The following TRAPPC9 variants were observed in gnomAD, a reference collection of about 807,000 sequenced individuals.
TRAPPC9 encodes IKK2 binding protein.
In TRAPPC9, 83 loss-of-function variants were observed where a neutral mutation model predicts 124.0. The ratio of observed to expected loss-of-function variants is 0.67; its 90% confidence interval spans 0.56 to 0.80. The LOEUF is 0.80. Ranked by LOEUF, TRAPPC9 falls within the 30% of genes least tolerant of loss-of-function variation. TRAPPC9 has a pLI of 0.00. For synonymous variants in TRAPPC9, 638 were observed against 617.5 expected (o/e 1.03, Z -0.49); for missense variants, 1,302 against 1,508.3 (o/e 0.86, Z 2.27).
chr8:140,364,473 C>T (rs1473280996), intron 8 of TRAPPC9, among the ~76,000 whole-genome samples: 1 of 152,102 alleles, frequency 6.6e-6, no homozygotes, highest in East Asian at 1.9e-4. Context: ...TTCCTAAACA[C>T]TACTCCTTCC....
intron 17 of TRAPPC9, among the ~76,000 whole-genome samples, chr8:140,102,173 T>C (rs745724694): frequency 2.9e-4 from 44 of 152,314 alleles, no homozygotes; most frequent in Middle Eastern, 3.4e-3. Context: ...TAAGAGACAA[T>C]AAATGTGGTA....
intron 17 of TRAPPC9, among the ~76,000 whole-genome samples, chr8:140,036,495 G>A (rs1016477745): frequency 2.0e-5 from 3 of 146,930 alleles, no homozygotes; most frequent in East Asian, 3.9e-4. Flanking sequence ...GAAAAAAAAT[G>A]AGAAGAATGC....
At chr8:140,050,374 G>A (rs892232297) in intron 17 of TRAPPC9, among the ~76,000 whole-genome samples, 11 of 152,196 alleles carry the variant, frequency 7.2e-5, no homozygotes, top group African/African-American at 1.9e-4. Flanking sequence ...CATGCTGAGC[G>A]ATGTGCACAC....
chr8:140,318,951 A>G (rs947994519), intron 9 of TRAPPC9, among the ~76,000 whole-genome samples: 1 of 152,200 alleles, frequency 6.6e-6, no homozygotes, highest in Admixed American at 6.5e-5. Flanking sequence ...AAAAGGACAC[A>G]AGGCCGTGGT....
At chr8:139,731,599 G>A (rs569585249) in intron 22 of TRAPPC9, among the ~76,000 whole-genome samples, 2 of 152,234 alleles carry the variant, frequency 1.3e-5, no homozygotes, top group South Asian at 4.1e-4. Flanking sequence ...GGGAGGTGGG[G>A]GCTGAGGGCG....
intron 21 of TRAPPC9, among the ~76,000 whole-genome samples, chr8:139,746,693 T>C (rs374009694): frequency 1.3e-5 from 2 of 152,192 alleles, no homozygotes; most frequent in African/African-American, 2.4e-5. Context: ...TCCCTGGAAT[T>C]TGGGGCTGTT....
At chr8:140,308,782 G>A (rs2066211417) in intron 10 of TRAPPC9, among the ~76,000 whole-genome samples, 1 of 152,008 alleles carries the variant, frequency 6.6e-6, no homozygotes, top group African/African-American at 2.4e-5. Context: ...TCAGGAGGCT[G>A]AGGCAGAAGA....
chr8:140,419,428 C>CAAAAAAA (rs61155157), intron 5 of TRAPPC9, among the ~76,000 whole-genome samples: 10 of 79,578 alleles, frequency 1.3e-4, no homozygotes, highest in East Asian at 6.1e-4. Context: ...GACTCCGTCT[C>CAAAAAAA]AAAAAAAAAA....
In TRAPPC9 at chr8:139,825,318, TGGA is replaced by T. The variant is rs1249916988; in HGVS notation, c.3055+60558_3055+60560del. 6.6e-6 allele frequency among the ~76,000 whole-genome samples: 1 copy of T among 152,094 alleles called. No homozygotes were observed. The highest frequency in any genetic ancestry group is 1.5e-5 in the Non-Finnish European group (1 of 68,006). On this transcript the variant is annotated intron_variant, in intron 21 of 22. Transcript: ENST00000438773. This position sits in a 1 kb window ranked among gnomAD's most constrained non-coding sequence, Gnocchi z 4.6. ...CTGGGTCCCACTCTTTCCCGCCGAATGGAGGAGAGGAGAAGCACAGGTCCTGGT... is the reference window on the plus strand; with the variant it reads ...CTGGGTCCCACTCTTTCCCGCCGAATGGAGAGGAGAAGCACAGGTCCTGGT...
Position 140,450,831 on chromosome 8 carries a change from CGGGACACAGAGAAGG to C in TRAPPC9, c.528_542del (p.Leu177_Pro181del). 2 of 1,612,986 alleles carry C rather than the reference CGGGACACAGAGAAGG, an allele frequency of 1.2e-6. No individual in the cohort carries two copies. The highest frequency in any genetic ancestry group is 1.7e-6 in the Non-Finnish European group (2 of 1,179,530). The stretch of plus-strand genomic sequence containing the variant: ...GTCCTACAAAGTCCTTTTTCTCAAA[CGGGACACAGAGAAGG>C]GGGATCTTATCCCCAGACTTGTCTG... On this transcript the variant is annotated inframe_deletion, in exon 2 of 23. Coordinates refer to ENST00000438773, the MANE Select transcript of TRAPPC9 (RefSeq NM_001160372.4).
chr8:140,356,053 G>A (rs905703585), intron 9 of TRAPPC9, among the ~76,000 whole-genome samples: 1 of 152,198 alleles, frequency 6.6e-6, no homozygotes, highest in Non-Finnish European at 1.5e-5. Flanking sequence ...GTATTTTCCT[G>A]TAGAGGTTTT....
At chr8:139,745,943 G>A (rs1051938234) in intron 21 of TRAPPC9, among the ~76,000 whole-genome samples, 8 of 152,266 alleles carry the variant, frequency 5.3e-5, no homozygotes, top group Admixed American at 2.6e-4. Flanking sequence ...GTGACATTCC[G>A]AGAGGCATCG....
At chr8:139,770,785 A>G (rs926353951) in intron 21 of TRAPPC9, among the ~76,000 whole-genome samples, 12 of 152,216 alleles carry the variant, frequency 7.9e-5, no homozygotes, top group Admixed American at 7.2e-4. Flanking sequence ...AAGTTCAACA[A>G]CCTGGACCCC....
chr8:139,982,218 G>A (rs1028259421), intron 19 of TRAPPC9, among the ~76,000 whole-genome samples: 7 of 152,108 alleles, frequency 4.6e-5, no homozygotes, highest in South Asian at 2.1e-4. Flanking sequence ...CACTGTTTCC[G>A]GTTGTGCATG....
intron 9 of TRAPPC9, among the ~76,000 whole-genome samples, chr8:140,320,715 G>A (rs953671532): frequency 6.6e-6 from 1 of 152,246 alleles, no homozygotes; most frequent in Middle Eastern, 3.4e-3. Flanking sequence ...TAACAAATAC[G>A]GTGTCATTGT....
In TRAPPC9 at chr8:140,148,239, T is replaced by C. The variant is rs1011768037; in HGVS notation, c.2556+73220A>G. Reference sequence around the variant, plus strand: ...TTGTATGTAAACACCCAGATCATTTTAATAAAAAATGATGCTCTCGGTCGT... The same window carrying C: ...TTGTATGTAAACACCCAGATCATTTCAATAAAAAATGATGCTCTCGGTCGT... On this transcript the variant is annotated intron_variant, in intron 17 of 22. Transcript: ENST00000438773. 2.6e-5 allele frequency among the ~76,000 whole-genome samples: 4 copies of C among 152,222 alleles called. No individual in the cohort carries two copies. In the East Asian group the frequency reaches 7.7e-4, roughly 29 times the overall value.
chr8:140,204,098 T>C (rs751195412), intron 17 of TRAPPC9, among the ~76,000 whole-genome samples: 1 of 152,078 alleles, frequency 6.6e-6, no homozygotes, highest in Non-Finnish European at 1.5e-5. Context: ...TGGGAATGGA[T>C]CCTTCATGGT....
At chr8:140,345,636 C>G (rs942815202) in intron 9 of TRAPPC9, among the ~76,000 whole-genome samples, 4 of 152,212 alleles carry the variant, frequency 2.6e-5, no homozygotes, top group Admixed American at 2.6e-4. Flanking sequence ...CGACTAAATG[C>G]TGGCGACAGG....
chr8:140,255,313 A>C (rs1490366460), intron 15 of TRAPPC9, among the ~76,000 whole-genome samples: 1 of 152,214 alleles, frequency 6.6e-6, no homozygotes, highest in African/African-American at 2.4e-5. Flanking sequence ...GAAATCATGG[A>C]AGGAGGTTAG....
Sources: allele counts gnomAD v4.1 joint callset (sites outside exome capture counted in the v4.1 genomes callset), GRCh38; gene constraint gnomAD v4.1.1; non-coding constraint Gnocchi (gnomAD v3.1); transcripts MANE v1.5; gene names NCBI Gene and HGNC (gene_info 2026-07-23, HGNC 2026-07-21).